FCN1: variants seen among roughly 807,000 people sequenced by gnomAD.
FCN1 encodes ficolin-1.
Under a neutral mutation model 35.6 loss-of-function variants are expected in FCN1, and 42 were observed. That is an observed-to-expected ratio of 1.18 (90% CI 0.92 to 1.53). The LOEUF (loss-of-function observed/expected upper bound fraction) is 1.53. Ranked by LOEUF, FCN1 falls within the 40% of genes most tolerant of loss-of-function variation. The probability of loss-of-function intolerance (pLI) is 0.00; values close to 1 mark genes in which losing one functional copy is unlikely to be tolerated. For missense variants in FCN1, 439 were observed against 428.4 expected (o/e 1.02, Z -0.22); for synonymous variants, 179 against 169.8 (o/e 1.05, Z -0.42).
chr9:134,914,914 T>C, intron 2 of FCN1, 105 bp from the exon 3 acceptor site: 1 of 814,706 alleles, frequency 1.2e-6, no homozygotes, highest in Non-Finnish European at 2.0e-6. Context: ...CCACTCTGCC[T>C]TGAACCCCTT....
chr9:134,914,525 C>T, intron 3 of FCN1, 105 bp from the exon 4 acceptor site: 3 of 1,209,510 alleles, frequency 2.5e-6, no homozygotes, highest in Non-Finnish European at 3.7e-6. Context: ...CTCCCCAGCC[C>T]TGCAGGCTCA....
Position 134,916,401 on chromosome 9 carries a change from C to A in FCN1, c.164G>T (p.Gly55Val). 6.2e-7 allele frequency: 1 copy of A among 1,614,212 alleles called. No individual in the cohort carries two copies. The highest frequency in any genetic ancestry group is 8.5e-7 in the Non-Finnish European group (1 of 1,180,044). Residue 55 changes from glycine to valine, a missense_variant, in exon 2 of 9, where the codon GGG (glycine) becomes GTG (valine). By Grantham distance (109) the Gly-to-Val change is moderately radical (BLOSUM62 -3). Coordinates refer to ENST00000371806, the MANE Select transcript of FCN1 (RefSeq NM_002003.5). ...CTTTGGCCCTGGGGCCCCGGGCAGC[C>A]CCGGGCAGCCTCGGAGAATGGTGAG... ...DKLTILRGCP[G>V]LPGAPGPKGE...
Position 134,909,104 on chromosome 9 carries a change from C to G in FCN1, c.*694G>C. 1.2e-6 allele frequency: 1 copy of G among 868,852 alleles called. No homozygotes were observed. The highest frequency in any genetic ancestry group is 1.6e-6 in the Non-Finnish European group (1 of 635,530). 53.8% of individuals were successfully genotyped at this position (868,852 alleles called of 1,614,324 possible). A position where few individuals can be genotyped will look rare whatever the true frequency, so the allele number is the denominator to read the frequency against. ...CACTGAGGTCCGCGGTCCCCTCTAGCTGAGGTCTGTGTGTGGGAGGAAGGC... is the reference window on the plus strand; with the variant it reads ...CACTGAGGTCCGCGGTCCCCTCTAGGTGAGGTCTGTGTGTGGGAGGAAGGC... On this transcript the variant is annotated 3_prime_UTR_variant, in exon 9 of 9. Transcript: ENST00000371806.
chr9:134,913,424 G>A lies in FCN1; in HGVS notation c.340+157C>T, dbSNP rs368243935. On this transcript the variant is annotated intron_variant, in intron 5 of 8. Coordinates refer to ENST00000371806, the MANE Select transcript of FCN1 (RefSeq NM_002003.5). Reference sequence around the variant, plus strand: ...AGTAGAGCCCAGGTTGTCATGGAAGGGATTCAGGTGATAGCTGCCCATTAC... The same window carrying A: ...AGTAGAGCCCAGGTTGTCATGGAAGAGATTCAGGTGATAGCTGCCCATTAC... Among the ~76,000 whole-genome samples the A allele has an allele frequency of 1.0e-3, 152 of 152,296 alleles. 4 individuals carry two copies. The South Asian group carries it at 0.03, about 30-fold the overall frequency.
rs1831045301 is a variant in FCN1 at position 134,913,070 on chromosome 9, G to T, written c.414C>A (p.Asp138Glu). 6.2e-7 allele frequency: 1 copy of T among 1,613,574 alleles called. No homozygotes were observed. ...LSGWHTIYLP[D>E]CRPLTVLCDM... Reference sequence around the variant, plus strand: ...CACAGAGCACAGTCAGGGGCCGGCAGTCGGGCAGGTAGATGGTGTGCCAGC... The same window carrying T: ...CACAGAGCACAGTCAGGGGCCGGCATTCGGGCAGGTAGATGGTGTGCCAGC... The change falls in exon 6 of 9, where the codon GAC becomes GAA. Residue 138 changes from aspartate (D) to glutamate (E), a missense_variant. Asp to Glu is a conservative substitution (Grantham distance 45). Coordinates refer to ENST00000371806, the MANE Select transcript of FCN1 (RefSeq NM_002003.5).
At chr9:134,911,953 T>G (rs1476608846) in intron 7 of FCN1, among the ~76,000 whole-genome samples, 1 of 152,224 alleles carries the variant, frequency 6.6e-6, no homozygotes, top group Non-Finnish European at 1.5e-5. Flanking sequence ...CTGAGTGGAT[T>G]CCTTCAATCA....
rs529165543 is a variant in FCN1 at position 134,906,474 on chromosome 9, G to T, written c.*3324C>A. 6.6e-6 allele frequency: 1 copy of T among 152,056 alleles called. No individual in the cohort carries two copies. Among genetic ancestry groups the T allele is most frequent in the African/African-American group, 2.4e-5 (1 of 41,388 alleles). The allele number at this position is 152,056 out of a possible 1,614,324, so 9.4% of individuals were successfully genotyped here. The stretch of plus-strand genomic sequence containing the variant: ...GGAATACACTCAAATTTCTCCTGCG[G>T]CATTTCAGCTGTCTAATGAGAAAAC... On this transcript the variant is annotated 3_prime_UTR_variant, in exon 9 of 9. Transcript: ENST00000371806.
Position 134,906,176 on chromosome 9 carries a change from A to T in FCN1, c.*3622T>A, listed in dbSNP as rs994473398. ...GGCTGGTCTTGAACTCCTGATCTCAAGTGATCCACCCACTTCAGCCTCCTA... is the reference window on the plus strand; with the variant it reads ...GGCTGGTCTTGAACTCCTGATCTCATGTGATCCACCCACTTCAGCCTCCTA... On this transcript the variant is annotated 3_prime_UTR_variant, in exon 9 of 9. Transcript: ENST00000371806. The T allele has an allele frequency of 6.6e-6, 1 of 151,548 alleles. No homozygotes were observed. The highest frequency in any genetic ancestry group is 2.4e-5 in the African/African-American group (1 of 41,020). 9.4% of individuals were successfully genotyped at this position (151,548 alleles called of 1,614,324 possible).
At chr9:134,916,254 G>A (rs941442826) in intron 2 of FCN1, 94 bp downstream of exon 2, 25 of 964,452 alleles carry the variant, frequency 2.6e-5, no homozygotes, top group South Asian at 1.9e-4. Flanking sequence ...TAGGAACCAC[G>A]GTGGGGGTGT....
In FCN1 at chr9:134,905,843, TTCCTCTTCCTCTTCCTCTTCC is replaced by T. The variant is rs1830943002; in HGVS notation, c.*3934_*3954del. 2 of 38,406 alleles carry T rather than the reference TTCCTCTTCCTCTTCCTCTTCC, an allele frequency of 5.2e-5. No individual in the cohort carries two copies. The highest frequency in any genetic ancestry group is 5.5e-4 in the African/African-American group (2 of 3,614). The allele number at this position is 38,406 out of a possible 1,614,324, so 2.4% of individuals were successfully genotyped here. ...CTTCTTCTTCCTCTTCCTCTTCCTC[TTCCTCTTCCTCTTCCTCTTCC>T]TCTTCTTCTTCTTCTTCTTCTTCTT... On this transcript the variant is annotated 3_prime_UTR_variant, in exon 9 of 9. Transcript: ENST00000371806.
In FCN1 at chr9:134,913,566, G is replaced by C; in HGVS notation, c.340+15C>G. 6.2e-7 allele frequency: 1 copy of C among 1,603,248 alleles called. No individual in the cohort carries two copies. Among genetic ancestry groups the C allele is most frequent in the Non-Finnish European group, 8.5e-7 (1 of 1,173,484 alleles). On this transcript the variant is annotated intron_variant, in intron 5 of 8. Coordinates refer to ENST00000371806, the MANE Select transcript of FCN1 (RefSeq NM_002003.5). ...GGCAAGGCTTGGGTACCGAGGTCAG[G>C]GTGTGATCAGTCACCTGTCGCACAC...
intron 7 of FCN1, among the ~76,000 whole-genome samples, chr9:134,911,716 G>T (rs1042949628): frequency 6.6e-6 from 1 of 152,132 alleles, no homozygotes; most frequent in Non-Finnish European, 1.5e-5. Context: ...AACCGGAAAT[G>T]TCAGAAAATC....
chr9:134,916,500 A>G, intron 1 of FCN1, 39 bp from the exon 2 acceptor site: 1 of 1,587,306 alleles, frequency 6.3e-7, no homozygotes, highest in Non-Finnish European at 8.7e-7. Flanking sequence ...TGCCTGGCCC[A>G]ACAGTGGCTG....
Position 134,904,843 on chromosome 9 carries a change from C to T in FCN1, c.*4955G>A, listed in dbSNP as rs7046058. On this transcript the variant is annotated 3_prime_UTR_variant, in exon 9 of 9. Coordinates refer to ENST00000371806, the MANE Select transcript of FCN1 (RefSeq NM_002003.5). ...GTCAGGCAGCAAGAAGATGATCTCA[C>T]ACCAAAAATAATAATAATAATAAAA... Among the ~76,000 whole-genome samples, 839 of 151,886 alleles carry T rather than the reference C, an allele frequency of 5.5e-3. 10 individuals are homozygous for T. Among genetic ancestry groups the T allele is most frequent in the African/African-American group, 0.019 (789 of 41,408 alleles).
chr9:134,914,834 T>G, intron 2 of FCN1, 25 bp from the exon 3 acceptor site: 6 of 1,588,758 alleles, frequency 3.8e-6, no homozygotes, highest in Non-Finnish European at 5.2e-6. Context: ...GACATATCAC[T>G]GAGAAAAATG....
chr9:134,905,181 A>G lies in FCN1; in HGVS notation c.*4617T>C, dbSNP rs922971998. 1.3e-5 allele frequency among the ~76,000 whole-genome samples: 2 copies of G among 152,232 alleles called. No homozygotes were observed. Among genetic ancestry groups the G allele is most frequent in the African/African-American group, 4.8e-5 (2 of 41,460 alleles). ...AAGTTATAAGCTGATAGAGGAGGTGACGGGATAATAAAAATATTCAACAAA... is the reference window on the plus strand; with the variant it reads ...AAGTTATAAGCTGATAGAGGAGGTGGCGGGATAATAAAAATATTCAACAAA... On this transcript the variant is annotated 3_prime_UTR_variant, in exon 9 of 9. Coordinates refer to ENST00000371806, the MANE Select transcript of FCN1 (RefSeq NM_002003.5).
At position 134,905,050 on chromosome 9, in the gene FCN1, T is replaced by G. The variant is rs1293098855; in HGVS notation, c.*4748A>C. 6.6e-6 allele frequency among the ~76,000 whole-genome samples: 1 copy of G among 152,128 alleles called. No individual in the cohort carries two copies. The highest frequency in any genetic ancestry group is 1.5e-5 in the Non-Finnish European group (1 of 68,026). On this transcript the variant is annotated 3_prime_UTR_variant, in exon 9 of 9. Coordinates refer to ENST00000371806, the MANE Select transcript of FCN1 (RefSeq NM_002003.5). ...TGTAGTTAGAGGTGTTTCAAAGTCT[T>G]CATTGGTAAAGTGGTAGAAGGAATA...
intron 8 of FCN1, 28 bp from the exon 9 acceptor site, chr9:134,910,073 G>T (rs1831004039): frequency 6.2e-7 from 1 of 1,608,644 alleles, no homozygotes; most frequent in Non-Finnish European, 8.5e-7. Flanking sequence ...GGGGTTTGCA[G>T]ATGCTGGAAA....
At chr9:134,913,378 C>T (rs755946124) in intron 5 of FCN1, among the ~76,000 whole-genome samples, 22 of 152,202 alleles carry the variant, frequency 1.4e-4, no homozygotes, top group Admixed American at 3.3e-4. Flanking sequence ...CCTGGGCACC[C>T]GGCCTTCTAG....
Sources: allele counts gnomAD v4.1 joint callset (sites outside exome capture counted in the v4.1 genomes callset), GRCh38; gene constraint gnomAD v4.1.1; transcripts MANE v1.5; gene names NCBI Gene and HGNC (gene_info 2026-07-23, HGNC 2026-07-21).